Variants in ALB observed in about 807,000 individuals in gnomAD.
ALB encodes the protein albumin, also known as serum albumin.
A neutral mutation model predicts 74.5 loss-of-function variants in ALB; 37 were observed. The observed-to-expected ratio is 0.50, with a 90% CI of 0.38 to 0.65. The LOEUF (loss-of-function observed/expected upper bound fraction) is 0.65, where lower values mean the gene tolerates loss of function less well. Among genes scored for constraint, ALB ranks in the 30% least tolerant of loss-of-function variants. The pLI, the probability that ALB is intolerant of heterozygous loss-of-function variation, is 0.00. For missense variants in ALB, 685 were observed against 718.7 expected, an observed-to-expected ratio of 0.95 and a Z score of 0.54; for synonymous variants, 249 against 251.6, an observed-to-expected ratio of 0.99 and a Z score of 0.10.
intron 2 of ALB, 54 bp from the exon 3 acceptor site, chr4:73,406,575 C>A: frequency 6.4e-7 from 1 of 1,567,832 alleles, no homozygotes; most frequent in Non-Finnish European, 8.8e-7. Context: ...GCGTAGCAAC[C>A]TGTTACATAT....
intron 12 of ALB, 42 bp downstream of exon 12, chr4:73,418,353 A>G (rs1421455686): frequency 3.2e-6 from 5 of 1,557,206 alleles, no homozygotes. Flanking sequence ...TAGTCTTGAT[A>G]GCAAGAACTG....
chr4:73,413,673 T>G (rs1289757320), intron 8 of ALB, 39 bp downstream of exon 8: 7 of 1,594,274 alleles, frequency 4.4e-6, no homozygotes, highest in Middle Eastern at 3.3e-4. Context: ...AGCTTTGGCA[T>G]GACCTCACAA....
At chr4:73,406,539 T>G (rs890911697) in intron 2 of ALB, 90 bp from the exon 3 acceptor site, 37 of 1,221,300 alleles carry the variant, frequency 3.0e-5, no homozygotes, top group Non-Finnish European at 4.0e-5. Context: ...AGATAGAACC[T>G]ATACCCATAC....
At chr4:73,413,267 C>A in intron 7 of ALB, 153 bp from the exon 8 acceptor site, 1 of 739,152 alleles carries the variant, frequency 1.4e-6, no homozygotes. Flanking sequence ...ATCTACATCT[C>A]CAGGTTTAGG....
At chr4:73,407,368 T>TAGA (rs1718761494) in intron 3 of ALB, among the ~76,000 whole-genome samples, 1 of 152,226 alleles carries the variant, frequency 6.6e-6, no homozygotes, top group Non-Finnish European at 1.5e-5. Flanking sequence ...TGTTTATCTT[T>TAGA]TTATGACTGA....
At chr4:73,408,496 A>AC in intron 3 of ALB, 98 bp from the exon 4 acceptor site, 1 of 1,082,084 alleles carries the variant, frequency 9.2e-7, no homozygotes, top group South Asian at 1.4e-5. Context: ...TGATTTCCTG[A>AC]CCAAGCTTAA....
At chr4:73,408,417 A>G (rs1212736719) in intron 3 of ALB, among the ~76,000 whole-genome samples, 177 bp from the exon 4 acceptor site, 1 of 152,156 alleles carries the variant, frequency 6.6e-6, no homozygotes, top group African/African-American at 2.4e-5. Context: ...TTCTTATGAA[A>G]ATTATATAGA....
rs1719134762 is a variant in ALB at position 73,421,256 on chromosome 4, A to G, written c.*188A>G. 1 of 590,488 alleles carries G rather than the reference A, an allele frequency of 1.7e-6. No individual in the cohort carries two copies. The highest frequency in any genetic ancestry group is 3.0e-6 in the Non-Finnish European group (1 of 334,718). 36.6% of individuals were successfully genotyped at this position (590,488 alleles called of 1,614,324 possible). A position where few individuals can be genotyped will look rare whatever the true frequency, so the allele number is the denominator to read the frequency against. ...ATTAATAAAAAATGGAAAGAATCTA[A>G]TAGAGTGGTACAGCACTGTTATTTT... is the stretch of plus-strand genomic sequence containing the variant. On this transcript the variant is annotated 3_prime_UTR_variant, in exon 15 of 15. Transcript: ENST00000295897.
chr4:73,409,524 T>C, intron 5 of ALB, 37 bp downstream of exon 5: 5 of 1,613,418 alleles, frequency 3.1e-6, no homozygotes, highest in Non-Finnish European at 4.2e-6. Flanking sequence ...GAGTTCATTA[T>C]CCAACCTGAT....
intron 13 of ALB, 149 bp from the exon 14 acceptor site, chr4:73,420,105 C>T (rs971705504): frequency 5.4e-6 from 4 of 738,444 alleles, no homozygotes; most frequent in South Asian, 4.0e-5. Context: ...CGTGAGCTTC[C>T]GTCCAGAGAT....
intron 8 of ALB, among the ~76,000 whole-genome samples, chr4:73,414,109 G>A (rs771884908): frequency 2.6e-5 from 4 of 152,130 alleles, no homozygotes; most frequent in Non-Finnish European, 5.9e-5. Context: ...AAGACCAGAA[G>A]TTCAGTATAA....
chr4:73,407,823 C>T (rs1247726977), intron 3 of ALB, among the ~76,000 whole-genome samples: 1 of 152,204 alleles, frequency 6.6e-6, no homozygotes, highest in African/African-American at 2.4e-5. Flanking sequence ...TCTCACCACT[C>T]AATCTATATA....
intron 12 of ALB, 107 bp downstream of exon 12, chr4:73,418,418 A>C (rs558412314): frequency 2.0e-6 from 2 of 990,414 alleles, no homozygotes; most frequent in Non-Finnish European, 3.1e-6. Context: ...CTTAGAGGAA[A>C]GTATTGGAGT....
Position 73,417,680 on chromosome 4 carries a change from A to C in ALB, c.1428+11A>C. Reference sequence around the variant, plus strand: ...TGTGCAGAAGACTATGTGAGTCTTTAAAAAAATATAATAAATTAATAATGA... The same window carrying C: ...TGTGCAGAAGACTATGTGAGTCTTTCAAAAAATATAATAAATTAATAATGA... On this transcript the variant is annotated intron_variant, in intron 11 of 14. Coordinates refer to ENST00000295897, the MANE Select transcript of ALB (RefSeq NM_000477.7). 6.4e-7 allele frequency: 1 copy of C among 1,562,558 alleles called. No homozygotes were observed. The highest frequency in any genetic ancestry group is 8.6e-7 in the Non-Finnish European group (1 of 1,156,510).
In ALB at chr4:73,415,128, C is replaced by T; in HGVS notation, c.1152C>T (p.Cys384=). The change falls in exon 9 of 15, where the codon TGC becomes TGT. Residue 384 remains cysteine (C), a synonymous_variant. Coordinates refer to ENST00000295897, the MANE Select transcript of ALB (RefSeq NM_000477.7). ...CATATGAAACCACTCTAGAGAAGTG[C>T]TGTGCCGCTGCAGATCCTCATGAAT... ...AKTYETTLEK[C]CAAADPHECY... is the part of the protein sequence containing the mutation. The T allele has an allele frequency of 1.2e-6, 2 of 1,614,116 alleles. No individual in the cohort carries two copies. Among genetic ancestry groups the T allele is most frequent in the Non-Finnish European group, 1.7e-6 (2 of 1,180,020 alleles).
intron 2 of ALB, among the ~76,000 whole-genome samples, chr4:73,405,704 C>CCTCA (rs1218561073): frequency 6.6e-6 from 1 of 151,974 alleles, no homozygotes; most frequent in African/African-American, 2.4e-5. Flanking sequence ...CATTCTCCTG[C>CCTCA]CTCAGCCTCC....
chr4:73,417,443 A>C lies in ALB; in HGVS notation c.1290-88A>C, dbSNP rs1451804357. On this transcript the variant is annotated intron_variant, in intron 10 of 14. Transcript: ENST00000295897. ...GATGAATGGAACATAGCAACATCTT[A>C]GTTGATTCCGGCCAAGTGTTCTCTG... The C allele has an allele frequency of 4.1e-6, 6 of 1,481,408 alleles. No individual in the cohort carries two copies. The African/African-American group carries it at 6.9e-5, about 17-fold the overall frequency. 91.8% of individuals were successfully genotyped at this position (1,481,408 alleles called of 1,614,324 possible).
chr4:73,419,792 C>T (rs979268501), intron 13 of ALB, among the ~76,000 whole-genome samples, 153 bp downstream of exon 13: 3 of 152,108 alleles, frequency 2.0e-5, no homozygotes, highest in African/African-American at 4.8e-5. Flanking sequence ...ATGAATAAAA[C>T]AGCACTTTGT....
At chr4:73,413,266 T>C in intron 7 of ALB, 154 bp from the exon 8 acceptor site, 1 of 734,662 alleles carries the variant, frequency 1.4e-6, no homozygotes, top group Non-Finnish European at 2.3e-6. Flanking sequence ...TATCTACATC[T>C]CCAGGTTTAG....
Sources: gnomAD v4.1 joint callset for allele counts (sites outside exome capture counted in the v4.1 genomes callset) on GRCh38, gnomAD v4.1.1 for gene constraint, MANE v1.5 for transcripts, NCBI Gene and HGNC (gene_info 2026-07-23, HGNC 2026-07-21) for gene names.